The following FRMD5 variants were observed in gnomAD, a reference collection of about 807,000 sequenced individuals.
FRMD5 encodes the protein FERM domain-containing protein 5.
FRMD5 carries 20 observed loss-of-function variants against 69.0 expected under a neutral mutation model. That is an observed-to-expected ratio of 0.29 (90% CI 0.20 to 0.42). FRMD5 has a LOEUF of 0.42. Ranked by LOEUF, FRMD5 falls within the 10% of genes least tolerant of loss-of-function variation. FRMD5 has a pLI of 1.00. For synonymous variants in FRMD5, 271 were observed against 260.1 expected (o/e 1.04, Z -0.40); for missense variants, 595 against 708.6 (o/e 0.84, Z 1.82).
At chr15:44,063,747 G>C (rs1893193915) in intron 1 of FRMD5, 1 of 326,174 alleles carries the variant, frequency 3.1e-6, no homozygotes, top group African/African-American at 2.2e-5. Context: ...TCTTCCAAGA[G>C]AGAGATCCCA....
chr15:44,188,943 TG>T (rs2078147584), intron 1 of FRMD5, among the ~76,000 whole-genome samples: 1 of 151,216 alleles, frequency 6.6e-6, no homozygotes, highest in South Asian at 2.1e-4. Context: ...AGTGGAAGGG[TG>T]GGGGGTTGAA....
rs148138657 is a variant in FRMD5 at position 44,037,170 on chromosome 15, A to T, written c.103-112861T>A. Among the ~76,000 whole-genome samples, 77 of 152,006 alleles carry T rather than the reference A, an allele frequency of 5.1e-4. 3 individuals are homozygous for T. The East Asian group carries it at 0.015, about 29-fold the overall frequency. The stretch of plus-strand genomic sequence containing the variant: ...AACCCCCGACAGGCCCTGGTGTGTG[A>T]TATTTCCCTCCCTGTATTCATGTGT... On this transcript the variant is annotated intron_variant, in intron 1 of 13. Coordinates refer to ENST00000417257, the MANE Select transcript of FRMD5 (RefSeq NM_032892.5).
intron 13 of FRMD5, 35 bp downstream of exon 13, chr15:43,883,668 G>A: frequency 6.9e-7 from 1 of 1,447,740 alleles, no homozygotes; most frequent in East Asian, 2.3e-5. Flanking sequence ...CAACTTGGAG[G>A]ACCCCAGTGG....
rs546846555 is a variant in FRMD5 at position 44,120,482 on chromosome 15, T to G, written c.102+74471A>C. Among the ~76,000 whole-genome samples the G allele has an allele frequency of 2.9e-4, 44 of 150,600 alleles. No homozygotes were observed. The South Asian group carries it at 8.4e-3, about 29-fold the overall frequency. On this transcript the variant is annotated intron_variant, in intron 1 of 13. Coordinates refer to ENST00000417257, the MANE Select transcript of FRMD5 (RefSeq NM_032892.5). The stretch of plus-strand genomic sequence containing the variant: ...AAGTACTAGATTTGGCTTGGGTAAC[T>G]AGAAGGATAAGGAAGAATTCCCCAA...
At chr15:43,975,683 A>G (rs1344081048) in intron 1 of FRMD5, among the ~76,000 whole-genome samples, 3 of 152,230 alleles carry the variant, frequency 2.0e-5, no homozygotes, top group African/African-American at 7.2e-5. Context: ...AATTGTTAAC[A>G]TGTCCATTCT....
chr15:43,959,213 G>A lies in FRMD5; in HGVS notation c.103-34904C>T, dbSNP rs1401311191. On this transcript the variant is annotated intron_variant, in intron 1 of 13. Transcript: ENST00000417257. ...AGGACTCAACATCAAAACATTCTTT[G>A]ATGAGTCACAATTAATGACAAGTAC... is the stretch of plus-strand genomic sequence containing the variant. 3.3e-5 allele frequency among the ~76,000 whole-genome samples: 5 copies of A among 152,334 alleles called. No individual in the cohort carries two copies. The East Asian group carries it at 7.7e-4, about 23-fold the overall frequency.
At chr15:44,112,757 C>T (rs747076729) in intron 1 of FRMD5, among the ~76,000 whole-genome samples, 4 of 152,034 alleles carry the variant, frequency 2.6e-5, no homozygotes, top group African/African-American at 4.8e-5. Context: ...CCTGAGCCAC[C>T]GCGCCTGGCC....
intron 1 of FRMD5, among the ~76,000 whole-genome samples, chr15:44,174,287 A>C (rs983715466): frequency 6.6e-6 from 1 of 152,184 alleles, no homozygotes; most frequent in Non-Finnish European, 1.5e-5. Context: ...ATTAAAAAAA[A>C]AACTTACTCT....
intron 1 of FRMD5, among the ~76,000 whole-genome samples, chr15:43,993,962 T>C (rs1029876611): frequency 6.6e-6 from 1 of 152,242 alleles, no homozygotes; most frequent in Admixed American, 6.5e-5. Flanking sequence ...TCAATCTATG[T>C]GTGTCCTTAA....
At chr15:43,979,647 G>T (rs1247362454) in intron 1 of FRMD5, among the ~76,000 whole-genome samples, 3 of 152,120 alleles carry the variant, frequency 2.0e-5, no homozygotes, top group Admixed American at 2.0e-4. Flanking sequence ...CAAAACTATT[G>T]GATGATTTCT....
intron 1 of FRMD5, among the ~76,000 whole-genome samples, chr15:44,062,934 T>C (rs1423694715): frequency 6.6e-6 from 1 of 152,184 alleles, no homozygotes; most frequent in African/African-American, 2.4e-5. Context: ...TATATGTGGG[T>C]CCATTTCTGG....
chr15:44,166,096 C>T (rs2077704426), intron 1 of FRMD5, among the ~76,000 whole-genome samples: 1 of 152,044 alleles, frequency 6.6e-6, no homozygotes, highest in African/African-American at 2.4e-5. Context: ...ATATTCTTAT[C>T]ATTATTTTTT....
At chr15:43,928,121 C>G (rs1191442393) in intron 1 of FRMD5, among the ~76,000 whole-genome samples, 1 of 152,070 alleles carries the variant, frequency 6.6e-6, no homozygotes, top group Non-Finnish European at 1.5e-5. Flanking sequence ...TAAAAAAGAC[C>G]TTTTTCTGGT....
chr15:43,930,628 T>C (rs2089658416), intron 1 of FRMD5, among the ~76,000 whole-genome samples: 1 of 152,188 alleles, frequency 6.6e-6, no homozygotes, highest in African/African-American at 2.4e-5. Context: ...AGCAACTTCT[T>C]TGCCCCAACA....
intron 1 of FRMD5, among the ~76,000 whole-genome samples, chr15:44,183,529 C>T (rs1312111786): frequency 6.6e-6 from 1 of 152,120 alleles, no homozygotes; most frequent in African/African-American, 2.4e-5. Flanking sequence ...GGGTTCTATA[C>T]CCAGCACCAG....
At chr15:43,972,222 A>G (rs532065821) in intron 1 of FRMD5, among the ~76,000 whole-genome samples, 1 of 151,996 alleles carries the variant, frequency 6.6e-6, no homozygotes, top group Non-Finnish European at 1.5e-5. Context: ...TGGAAGACCA[A>G]CCAACTCCAT....
At chr15:43,960,858 A>G (rs529639199) in intron 1 of FRMD5, among the ~76,000 whole-genome samples, 4 of 152,356 alleles carry the variant, frequency 2.6e-5, no homozygotes, top group African/African-American at 7.2e-5. Flanking sequence ...GCTGAGTAGC[A>G]AAAGTAGACA....
At chr15:43,906,802 C>A (rs201809076) in intron 5 of FRMD5, among the ~76,000 whole-genome samples, 1 of 142,722 alleles carries the variant, frequency 7.0e-6, no homozygotes, top group African/African-American at 3.0e-5. Flanking sequence ...GGGGTTTCAC[C>A]GTGTTAGCCA....
intron 1 of FRMD5, among the ~76,000 whole-genome samples, chr15:44,008,775 C>A (rs900707396): frequency 6.6e-6 from 1 of 151,972 alleles, no homozygotes; most frequent in African/African-American, 2.4e-5. Flanking sequence ...ACCTGTAATC[C>A]CAGCACTTTG....
Sources: gnomAD v4.1 joint callset for allele counts (sites outside exome capture counted in the v4.1 genomes callset) on GRCh38, gnomAD v4.1.1 for gene constraint, MANE v1.5 for transcripts, NCBI Gene and HGNC (gene_info 2026-07-23, HGNC 2026-07-21) for gene names.